Variants in HECTD4 observed in about 807,000 individuals in gnomAD.
HECTD4 encodes HECT domain E3 ubiquitin protein ligase 4.
In HECTD4, 114 loss-of-function variants were observed where a neutral mutation model predicts 471.5. The ratio of observed to expected loss-of-function variants is 0.24; its 90% CI spans 0.21 to 0.28. The LOEUF is 0.28. Ranked by LOEUF, HECTD4 falls within the 10% of genes least tolerant of loss-of-function variation. The pLI, the probability that HECTD4 is intolerant of heterozygous loss-of-function variation, is 1.00. For missense variants in HECTD4, 3,866 were observed against 5,651.5 expected (o/e 0.68, Z 10.13); for synonymous variants, 2,012 against 2,256.0 (o/e 0.89, Z 3.07).
intron 32 of HECTD4, among the ~76,000 whole-genome samples, chr12:112,242,396 T>C (rs563437005): frequency 2.6e-4 from 39 of 151,996 alleles, no homozygotes; most frequent in African/African-American, 8.7e-4. Flanking sequence ...GAGGATCCCT[T>C]GAGCCCAGAA....
intron 68 of HECTD4, 139 bp downstream of exon 68, chr12:112,170,978 G>C (rs2031192918): frequency 1.5e-6 from 1 of 651,908 alleles, no homozygotes; most frequent in South Asian, 2.2e-5. Context: ...GAGGAGCCCT[G>C]CCTGCTACAT....
In HECTD4 at chr12:112,246,892, G is replaced by T; in HGVS notation, c.4513+9C>A. On this transcript the variant is annotated intron_variant, in intron 29 of 75. Transcript: ENST00000682272. ...CAGAAGCCGATTAGGGGCTATCTTTGAGCAGTACCTGGTGTTTCAGCAGGG... is the reference window on the plus strand; with the variant it reads ...CAGAAGCCGATTAGGGGCTATCTTTTAGCAGTACCTGGTGTTTCAGCAGGG... 1 of 1,608,888 alleles carries T rather than the reference G, an allele frequency of 6.2e-7. No individual in the cohort carries two copies. The highest frequency in any genetic ancestry group is 1.1e-5 in the South Asian group (1 of 90,444).
chr12:112,353,457 C>T (rs1005616038), intron 1 of HECTD4, among the ~76,000 whole-genome samples: 2 of 152,160 alleles, frequency 1.3e-5, no homozygotes, highest in African/African-American at 4.8e-5. Context: ...AAGTCAGCTT[C>T]GTATTGTCTT....
At position 112,163,202 on chromosome 12, in the gene HECTD4, C is replaced by A; in HGVS notation, c.12960G>T (p.Gly4320=). 1.2e-6 allele frequency: 2 copies of A among 1,613,948 alleles called. No homozygotes were observed. The highest frequency in any genetic ancestry group is 1.7e-5 in the Admixed American group (1 of 60,006). Residue 4320 remains glycine, a synonymous_variant, in exon 75 of 76, where the codon GGG becomes GGT. Transcript: ENST00000682272. This position sits in a 1 kb window ranked among gnomAD's most constrained non-coding sequence, Gnocchi z 8.2. ...ETDQHIEFFW[G]ALEMFTQEEL... is the part of the protein sequence containing the mutation. ...CCTCCTGGGTGAACATCTCCAGGGC[C>A]CCCCAGAAGAACTCGATGTGCTGGT...
At chr12:112,364,614 A>G (rs1291479620) in intron 1 of HECTD4, among the ~76,000 whole-genome samples, 1 of 152,026 alleles carries the variant, frequency 6.6e-6, no homozygotes, top group Non-Finnish European at 1.5e-5. Flanking sequence ...CTGTAGCCCC[A>G]GCTACTCTAG....
chr12:112,240,081 C>T (rs1671488103), intron 32 of HECTD4, 54 bp from the exon 33 acceptor site: 9 of 1,593,378 alleles, frequency 5.6e-6, no homozygotes, highest in Non-Finnish European at 7.7e-6. Context: ...AGAACAGTGG[C>T]TGAGCAGGAG....
intron 7 of HECTD4, chr12:112,301,912 G>T: frequency 9.3e-7 from 1 of 1,069,714 alleles, no homozygotes; most frequent in Non-Finnish European, 1.4e-6. Context: ...TTGCCTTTTC[G>T]AGCTTGGCAA....
Position 112,208,639 on chromosome 12 carries a change from G to A in HECTD4, c.7868-9C>T. On this transcript the variant is annotated splice_polypyrimidine_tract_variant and intron_variant, in intron 50 of 75. Transcript: ENST00000682272. ...GGTGTCACTATCATATTCTGTAACA[G>A]AGCACAAGGACAGCGAATTCTAAAC... 1 of 1,552,418 alleles carries A rather than the reference G, an allele frequency of 6.4e-7. No homozygotes were observed. Among genetic ancestry groups the A allele is most frequent in the Non-Finnish European group, 8.7e-7 (1 of 1,152,998 alleles).
intron 7 of HECTD4, 23 bp downstream of exon 7, chr12:112,306,041 C>T: frequency 1.9e-6 from 3 of 1,581,232 alleles, no homozygotes; most frequent in Non-Finnish European, 2.6e-6. Context: ...TGCAAAGATA[C>T]AAGCGAGAAA....
chr12:112,312,450 C>G (rs974549216), intron 4 of HECTD4, among the ~76,000 whole-genome samples: 3 of 152,276 alleles, frequency 2.0e-5, no homozygotes. Flanking sequence ...TCTATCCCAT[C>G]TGCCAAGTCA....
chr12:112,184,950 G>A lies in HECTD4; in HGVS notation c.10016C>T (p.Thr3339Ile). 5.0e-6 allele frequency: 8 copies of A among 1,613,838 alleles called. No individual in the cohort carries two copies. The highest frequency in any genetic ancestry group is 6.8e-6 in the Non-Finnish European group (8 of 1,179,878). The stretch of plus-strand genomic sequence containing the variant: ...CTTGCTGCCTCCGATGCTGAGCACG[G>A]TGGGGTCCGAGTCCACGGTGCGGGA... ...QSSRTVDSDP[T>I]VLSIGGSKPE... The change falls in exon 61 of 76, where the codon ACC becomes ATC. Residue 3339 changes from threonine to isoleucine, a missense_variant. Thr to Ile is a moderately conservative substitution (Grantham distance 89). Transcript: ENST00000682272. This position sits in a 1 kb window ranked among gnomAD's most constrained non-coding sequence, Gnocchi z 9.1.
chr12:112,235,544 G>A lies in HECTD4; in HGVS notation c.5685C>T (p.Ala1895=). 1 of 1,613,776 alleles carries A rather than the reference G, an allele frequency of 6.2e-7. No individual in the cohort carries two copies. The highest frequency in any genetic ancestry group is 8.5e-7 in the Non-Finnish European group (1 of 1,179,790). The stretch of plus-strand genomic sequence containing the variant: ...CTGCCAGCTTTGCTAAGAGCAGGGA[G>A]GCGATCTTGGAAGCTGGGTCGCTGG... ...EDPSDPASKI[A]SLLLAKLADY... Residue 1895 remains alanine, a synonymous_variant, in exon 36 of 76, where the codon GCC becomes GCT. Coordinates refer to ENST00000682272, the MANE Select transcript of HECTD4 (RefSeq NM_001388303.1). This position sits in a 1 kb window ranked among gnomAD's most constrained non-coding sequence, Gnocchi z 5.0.
In HECTD4 at chr12:112,194,954, C is replaced by T. The variant is rs773036282; in HGVS notation, c.8680G>A (p.Ala2894Thr). The change falls in exon 56 of 76, where the codon GCC (alanine) becomes ACC (threonine). Residue 2894 changes from alanine to threonine, a missense_variant. Ala to Thr is a moderately conservative substitution (Grantham distance 58). Transcript: ENST00000682272. This position sits in a 1 kb window ranked among gnomAD's most constrained non-coding sequence, Gnocchi z 4.6. Reference sequence around the variant, plus strand: ...TGCTCCAGGGTAATGTCCCGGATGGCAGGGATGTGGAAGAGGCGAGTGAAC... The same window carrying T: ...TGCTCCAGGGTAATGTCCCGGATGGTAGGGATGTGGAAGAGGCGAGTGAAC... ...HLFTRLFHIP[A>T]IRDITLEHLQ... The T allele has an allele frequency of 3.7e-6, 6 of 1,610,712 alleles. No homozygotes were observed. In the Admixed American group the frequency reaches 1.0e-4, roughly 27 times the overall value.
intron 72 of HECTD4, 120 bp from the exon 73 acceptor site, chr12:112,164,395 G>T (rs1016350885): frequency 8.7e-6 from 9 of 1,036,466 alleles, no homozygotes; most frequent in Non-Finnish European, 1.3e-5. Flanking sequence ...CCGTGTAGAT[G>T]AGCATGTGAC....
intron 3 of HECTD4, among the ~76,000 whole-genome samples, chr12:112,313,498 T>C (rs1302459296): frequency 4.2e-5 from 6 of 144,204 alleles, no homozygotes; most frequent in Non-Finnish European, 9.1e-5. Context: ...TTTTTTTTTT[T>C]TTTTTTTGAG....
At chr12:112,219,660 C>T (rs2033034796) in intron 44 of HECTD4, 171 bp from the exon 45 acceptor site, 3 of 475,406 alleles carry the variant, frequency 6.3e-6, no homozygotes, top group Admixed American at 3.8e-5. Flanking sequence ...AGTGCAGTGG[C>T]GCGGTCCTGG....
In HECTD4 at chr12:112,264,327, A is replaced by C. The variant is rs979023393; in HGVS notation, c.2620-115T>G. On this transcript the variant is annotated intron_variant, in intron 16 of 75. Transcript: ENST00000682272. ...GAAAACAAAAAGAGAAATAAAAAAA[A>C]CAGACCAAGTTAGTTTTTCAGGTGC... is the stretch of plus-strand genomic sequence containing the variant. The C allele has an allele frequency of 2.0e-5, 21 of 1,063,672 alleles. No individual in the cohort carries two copies. The African/African-American group carries it at 2.6e-4, about 13-fold the overall frequency. The allele number at this position is 1,063,672 out of a possible 1,614,324, so 65.9% of individuals were successfully genotyped here. A position where few individuals can be genotyped will look rare whatever the true frequency, so the allele number is the denominator to read the frequency against.
At chr12:112,316,765 A>G (rs1205748491) in intron 2 of HECTD4, among the ~76,000 whole-genome samples, 1 of 152,164 alleles carries the variant, frequency 6.6e-6, no homozygotes, top group African/African-American at 2.4e-5. Flanking sequence ...TATGCCACTA[A>G]TAACTTTAGT....
At chr12:112,336,886 T>C (rs1180150118) in intron 1 of HECTD4, among the ~76,000 whole-genome samples, 3 of 152,236 alleles carry the variant, frequency 2.0e-5, no homozygotes, top group Non-Finnish European at 2.9e-5. Flanking sequence ...ATAATAAGTT[T>C]TTTAACAAAA....
Sources: gnomAD v4.1 joint callset for allele counts (sites outside exome capture counted in the v4.1 genomes callset) on GRCh38, gnomAD v4.1.1 for gene constraint, Gnocchi (gnomAD v3.1) non-coding constraint, MANE v1.5 for transcripts, NCBI Gene and HGNC (gene_info 2026-07-23, HGNC 2026-07-21) for gene names.